SMYD3: variants seen among roughly 807,000 people sequenced by gnomAD.
SMYD3 encodes histone-lysine N-methyltransferase SMYD3.
A neutral mutation model predicts 57.7 loss-of-function variants in SMYD3; 36 were observed. That is an observed-to-expected ratio of 0.62 (90% CI 0.48 to 0.82). The LOEUF is 0.82. Among genes scored for constraint, SMYD3 ranks in the 40% least tolerant of loss-of-function variants. SMYD3 has a pLI of 0.00. For synonymous variants in SMYD3, 211 were observed against 195.0 expected (o/e 1.08, Z -0.68); for missense variants, 515 against 538.8 (o/e 0.96, Z 0.44).
intron 5 of SMYD3, among the ~76,000 whole-genome samples, chr1:246,200,891 C>T (rs934528703): frequency 3.9e-5 from 6 of 151,974 alleles, no homozygotes; most frequent in Admixed American, 1.3e-4. Context: ...CTTCTACCTC[C>T]CAACCAAAAA....
At chr1:245,822,248 G>A (rs981724926) in intron 10 of SMYD3, among the ~76,000 whole-genome samples, 3 of 151,632 alleles carry the variant, frequency 2.0e-5, no homozygotes, top group African/African-American at 7.3e-5. Context: ...TCCTTTGTAG[G>A]GACATGGATG....
intron 1 of SMYD3, among the ~76,000 whole-genome samples, chr1:246,381,523 G>C (rs543699591): frequency 3.0e-4 from 45 of 152,270 alleles, no homozygotes; most frequent in Admixed American, 2.3e-3. Flanking sequence ...CAGAAGACTT[G>C]AAGATGTTCT....
At chr1:245,796,482 A>G (rs1376037315) in intron 10 of SMYD3, among the ~76,000 whole-genome samples, 1 of 152,184 alleles carries the variant, frequency 6.6e-6, no homozygotes, top group Non-Finnish European at 1.5e-5. Flanking sequence ...TCTATGATCA[A>G]CTATCTTTTT....
intron 5 of SMYD3, among the ~76,000 whole-genome samples, chr1:246,245,736 C>G (rs1425054850): frequency 1.3e-5 from 2 of 152,086 alleles, no homozygotes; most frequent in African/African-American, 4.8e-5. Flanking sequence ...GACTTATAGA[C>G]CTATTTCTCT....
rs769859208 is a variant in SMYD3, at chr1:246,283,809, G to A, written c.531+43392C>T. 6.6e-5 allele frequency among the ~76,000 whole-genome samples: 10 copies of A among 152,212 alleles called. No individual in the cohort carries two copies. The Middle Eastern group carries it at 0.014, about 207-fold the overall frequency. ...ATTTCTGTCTCCCACTGACACAACCGAGTCATAAACAAAAACTGCAGCACT... is the reference window on the plus strand; with the variant it reads ...ATTTCTGTCTCCCACTGACACAACCAAGTCATAAACAAAAACTGCAGCACT... On this transcript the variant is annotated intron_variant, in intron 5 of 11. Coordinates refer to ENST00000490107, the MANE Select transcript of SMYD3 (RefSeq NM_001167740.2).
At chr1:246,290,396 A>G (rs2064666052) in intron 5 of SMYD3, among the ~76,000 whole-genome samples, 1 of 152,204 alleles carries the variant, frequency 6.6e-6, no homozygotes, top group Non-Finnish European at 1.5e-5. Flanking sequence ...ATCAGGGAAG[A>G]GATATATGGT....
At chr1:246,318,684 G>A (rs1474816457) in intron 5 of SMYD3, among the ~76,000 whole-genome samples, 1 of 152,176 alleles carries the variant, frequency 6.6e-6, no homozygotes, top group Admixed American at 6.5e-5. Flanking sequence ...TATCACCTCT[G>A]TCTGCATTAA....
intron 5 of SMYD3, among the ~76,000 whole-genome samples, chr1:246,034,256 C>T (rs1226464559): frequency 1.3e-5 from 2 of 152,110 alleles, no homozygotes; most frequent in African/African-American, 2.4e-5. Context: ...AACATTTAGC[C>T]TTTTTTTCCC....
chr1:246,403,700 C>A (rs1361550353), intron 1 of SMYD3, among the ~76,000 whole-genome samples: 2 of 152,084 alleles, frequency 1.3e-5, no homozygotes, highest in African/African-American at 4.8e-5. Context: ...TATGCTATAC[C>A]ACAGAATATC....
intron 5 of SMYD3, among the ~76,000 whole-genome samples, chr1:246,088,675 T>G (rs1056853456): frequency 6.6e-6 from 1 of 152,174 alleles, no homozygotes; most frequent in African/African-American, 2.4e-5. Context: ...AAATTTTATT[T>G]TATCCTAGAG....
chr1:245,785,644 CGA>C (rs59644890), intron 10 of SMYD3, among the ~76,000 whole-genome samples: 22 of 149,136 alleles, frequency 1.5e-4, no homozygotes, highest in Admixed American at 2.0e-4. Flanking sequence ...AGAGAGCGAG[CGA>C]GAGAGAGAGA....
At chr1:246,182,914 G>A (rs934549922) in intron 5 of SMYD3, among the ~76,000 whole-genome samples, 4 of 152,122 alleles carry the variant, frequency 2.6e-5, no homozygotes, top group African/African-American at 9.7e-5. Context: ...ACCCGGCTGA[G>A]AAGACACTAA....
intron 5 of SMYD3, among the ~76,000 whole-genome samples, chr1:245,993,579 AAGATAGATAGATAGATAGATAGATAGAT>A (rs1210624302): frequency 3.0e-4 from 9 of 30,074 alleles, no homozygotes; most frequent in African/African-American, 6.0e-4. Context: ...AAAAAAAAAA[AAGATAGATAGATAGATAGATAGATAGAT>A]AGATAGATAG....
intron 5 of SMYD3, among the ~76,000 whole-genome samples, chr1:246,102,907 TA>T (rs1163038673): frequency 6.6e-6 from 1 of 152,036 alleles, no homozygotes; most frequent in Admixed American, 6.6e-5. Flanking sequence ...AAACAAAAAC[TA>T]TTCTCCTTCA....
intron 1 of SMYD3, among the ~76,000 whole-genome samples, chr1:246,423,611 G>A (rs1317478821): frequency 6.6e-6 from 1 of 152,128 alleles, no homozygotes; most frequent in African/African-American, 2.4e-5. Flanking sequence ...TGAGGCAGGA[G>A]GATTGCTTGA....
At chr1:246,456,138 C>T (rs1408874340) in intron 1 of SMYD3, among the ~76,000 whole-genome samples, 2 of 152,140 alleles carry the variant, frequency 1.3e-5, no homozygotes, top group Non-Finnish European at 2.9e-5. Context: ...TTGTCTCTGG[C>T]CCAATTTTCT....
rs932933075 is a variant in SMYD3, at chr1:246,355,288, A to C, written c.165-194T>G. 1.4e-5 allele frequency: 8 copies of C among 563,810 alleles called. No individual in the cohort carries two copies. Among genetic ancestry groups the C allele is most frequent in the Non-Finnish European group, 2.5e-5 (8 of 318,142 alleles). 34.9% of individuals were successfully genotyped at this position (563,810 alleles called of 1,614,324 possible). On this transcript the variant is annotated intron_variant, in intron 1 of 11. Coordinates refer to ENST00000490107, the MANE Select transcript of SMYD3 (RefSeq NM_001167740.2). The surrounding 1 kb of genome is among the most constrained non-coding windows in gnomAD (Gnocchi z 5.0). The stretch of plus-strand genomic sequence containing the variant: ...CTTCCATGTGAGACACTGATAGAAA[A>C]ACTAAGTCCTTTTGTCTGACAGAAG...
chr1:245,861,123 A>G (rs778282292), intron 9 of SMYD3, among the ~76,000 whole-genome samples: 4 of 152,216 alleles, frequency 2.6e-5, no homozygotes, highest in Non-Finnish European at 5.9e-5. Flanking sequence ...ACAAGGCAAA[A>G]CCTTTCCTGC....
intron 5 of SMYD3, among the ~76,000 whole-genome samples, chr1:246,146,743 GC>G (rs1342803339): frequency 6.6e-6 from 1 of 152,142 alleles, no homozygotes; most frequent in African/African-American, 2.4e-5. Flanking sequence ...GCTAGCCAGA[GC>G]CACATACTCC....
Sources: allele counts gnomAD v4.1 joint callset (sites outside exome capture counted in the v4.1 genomes callset), GRCh38; gene constraint gnomAD v4.1.1; non-coding constraint Gnocchi (gnomAD v3.1); transcripts MANE v1.5; gene names NCBI Gene and HGNC (gene_info 2026-07-23, HGNC 2026-07-21).